ADCY7: variants seen among roughly 807,000 people sequenced by gnomAD.
ADCY7 encodes adenylate cyclase type 7.
ADCY7 carries 72 observed loss-of-function variants against 120.6 expected under a neutral mutation model. That is an observed-to-expected ratio of 0.60 (90% CI 0.49 to 0.73). The LOEUF (loss-of-function observed/expected upper bound fraction) is 0.73, where lower values mean the gene tolerates loss of function less well. ADCY7 is among the 30% of genes least tolerant of loss of function. ADCY7 has a pLI of 0.00. For synonymous variants in ADCY7, 661 were observed against 628.0 expected (o/e 1.05, Z -0.78); for missense variants, 1,227 against 1,486.0 (o/e 0.83, Z 2.87).
At chr16:50,258,842 T>A (rs185241756) in intron 1 of ADCY7, among the ~76,000 whole-genome samples, 2 of 152,220 alleles carry the variant, frequency 1.3e-5, no homozygotes, top group Non-Finnish European at 1.5e-5. Context: ...CTGATCTCCC[T>A]GTCTTGGTCT....
intron 1 of ADCY7, among the ~76,000 whole-genome samples, chr16:50,255,682 G>T (rs1336349339): frequency 6.6e-6 from 1 of 152,082 alleles, no homozygotes; most frequent in East Asian, 1.9e-4. Context: ...TGTAGAGATG[G>T]GGTTTCAACA....
chr16:50,314,819 A>G, intron 24 of ADCY7, 195 bp from the exon 25 acceptor site: 1 of 630,162 alleles, frequency 1.6e-6, no homozygotes, highest in Admixed American at 2.6e-5. Context: ...AGTCTGAAAA[A>G]GAGCTGGCCG....
intron 19 of ADCY7, 132 bp downstream of exon 19, chr16:50,311,012 C>T (rs2036423260): frequency 3.2e-6 from 3 of 947,784 alleles, no homozygotes; most frequent in African/African-American, 1.7e-5. Flanking sequence ...AGATGGTGTC[C>T]AGCGCTCAGA....
At chr16:50,296,306 G>A (rs1332346412) in intron 7 of ADCY7, among the ~76,000 whole-genome samples, 3 of 151,266 alleles carry the variant, frequency 2.0e-5, no homozygotes, top group Non-Finnish European at 2.9e-5. Flanking sequence ...ACCCACCTCA[G>A]CCTCCCAAAG....
intron 1 of ADCY7, among the ~76,000 whole-genome samples, chr16:50,255,402 GAAAAAA>G (rs60335173): frequency 9.2e-6 from 1 of 108,142 alleles, no homozygotes; most frequent in African/African-American, 3.7e-5. Context: ...TCTGTTTCTG[GAAAAAA>G]AAAAAAAAAA....
At chr16:50,314,529 CA>C in intron 24 of ADCY7, 123 bp downstream of exon 24, 1 of 679,284 alleles carries the variant, frequency 1.5e-6, no homozygotes, top group Non-Finnish European at 2.5e-6. Flanking sequence ...TCTGATCTGA[CA>C]AGCTCAGCAG....
At chr16:50,289,864 C>T (rs1466835007) in intron 2 of ADCY7, among the ~76,000 whole-genome samples, 1 of 152,270 alleles carries the variant, frequency 6.6e-6, no homozygotes, top group East Asian at 1.9e-4. Flanking sequence ...CAGGACCTAG[C>T]AGCTGCCAGT....
rs2035036890 is a variant in ADCY7 at position 50,292,290 on chromosome 16, A to G, written c.538-386A>G. ...TGTTGAATGAGTGAATCTTCTGTTC[A>G]TAATTATTGGGTGTTTAGAGAAGTG... On this transcript the variant is annotated intron_variant, in intron 4 of 25. Transcript: ENST00000673801. 2.0e-5 allele frequency among the ~76,000 whole-genome samples: 3 copies of G among 152,340 alleles called. No individual in the cohort carries two copies. The South Asian group carries it at 6.2e-4, about 32-fold the overall frequency.
intron 6 of ADCY7, 30 bp downstream of exon 6, chr16:50,293,532 C>A (rs1303712838): frequency 8.7e-6 from 14 of 1,609,282 alleles, no homozygotes; most frequent in Non-Finnish European, 1.2e-5. Flanking sequence ...ATTAGCATAT[C>A]CCGGGGACTG....
intron 1 of ADCY7, among the ~76,000 whole-genome samples, chr16:50,268,356 C>T (rs990008818): frequency 1.3e-5 from 2 of 152,084 alleles, no homozygotes; most frequent in African/African-American, 2.4e-5. Context: ...CCATCCACCT[C>T]GACCTCCCAA....
intron 1 of ADCY7, among the ~76,000 whole-genome samples, chr16:50,278,321 G>A (rs866326016): frequency 2.0e-5 from 3 of 152,298 alleles, no homozygotes; most frequent in Middle Eastern, 3.4e-3. Context: ...GATTACAGGC[G>A]TGAGCCACCA....
Position 50,313,994 on chromosome 16 carries a change from A to G in ADCY7, c.2788A>G (p.Ile930Val). The stretch of plus-strand genomic sequence containing the variant: ...GCCCAAGTTCAGCGGCGTGGAGAAG[A>G]TCAAGACCATCGGCAGCACGTACAT... ...LKPKFSGVEK[I>V]KTIGSTYMAA... Residue 930 changes from isoleucine (I) to valine (V), a missense_variant, in exon 23 of 26, where the codon ATC becomes GTC. By Grantham distance (29) the Ile-to-Val change is conservative. Around this residue, in one of 5 missense-constraint regions of ADCY7, gnomAD observed 244 missense variants for 332.8 expected, o/e 0.73. Transcript: ENST00000673801. 6.2e-7 allele frequency: 1 copy of G among 1,614,166 alleles called. No homozygotes were observed. Among genetic ancestry groups the G allele is most frequent in the Non-Finnish European group, 8.5e-7 (1 of 1,179,998 alleles).
intron 10 of ADCY7, among the ~76,000 whole-genome samples, chr16:50,301,471 C>A (rs2035718307): frequency 6.6e-6 from 1 of 152,246 alleles, no homozygotes; most frequent in Non-Finnish European, 1.5e-5. Context: ...GCGAGGCCTT[C>A]ACAGTGCGCC....
At chr16:50,304,246 T>G (rs911583190) in intron 10 of ADCY7, 114 bp from the exon 11 acceptor site, 2 of 1,088,218 alleles carry the variant, frequency 1.8e-6, no homozygotes, top group African/African-American at 3.3e-5. Context: ...TGTTTATTTT[T>G]TCACGGGCTC....
In ADCY7 at chr16:50,308,896, C is replaced by T. The variant is rs982018929; in HGVS notation, c.2061+104C>T. The T allele has an allele frequency of 5.7e-6, 8 of 1,403,818 alleles. No homozygotes were observed. The African/African-American group carries it at 7.2e-5, about 13-fold the overall frequency. 87.0% of individuals were successfully genotyped at this position (1,403,818 alleles called of 1,614,324 possible). ...AAAGCTGCCTCTGGTTGTCCTCTCC[C>T]CCGAGCTCAGCAGGTGGATGTGGGG... is the stretch of plus-strand genomic sequence containing the variant. On this transcript the variant is annotated intron_variant, in intron 17 of 25. Transcript: ENST00000673801.
At chr16:50,314,516 C>A in intron 24 of ADCY7, 110 bp downstream of exon 24, 1 of 753,770 alleles carries the variant, frequency 1.3e-6, no homozygotes, top group South Asian at 1.6e-5. Context: ...TTTTAGAAAT[C>A]CCTCTGATCT....
intron 17 of ADCY7, among the ~76,000 whole-genome samples, 157 bp from the exon 18 acceptor site, chr16:50,309,391 G>A (rs1403127395): frequency 1.3e-5 from 2 of 152,206 alleles, no homozygotes; most frequent in Non-Finnish European, 2.9e-5. Context: ...CTGCTGTGGG[G>A]AGTCGGCACG....
chr16:50,252,458 C>A (rs772582212), intron 1 of ADCY7, among the ~76,000 whole-genome samples: 5 of 149,578 alleles, frequency 3.3e-5, no homozygotes, highest in Non-Finnish European at 5.9e-5. Flanking sequence ...GTTTGTGTGC[C>A]TGGGCAGGCA....
rs940310654 is a variant in ADCY7 at position 50,312,951 on chromosome 16, A to G, written c.2666A>G (p.Lys889Arg). ...CVMFASVPDF[K>R]VFYTECDVNK... is the part of the protein sequence containing the mutation. ...ATGTTTGCCTCCGTGCCGGACTTCA[A>G]AGTGTTCTACACAGAGTGCGATGTC... The change falls in exon 22 of 26, where the codon AAA becomes AGA. Residue 889 changes from lysine (K) to arginine (R), a missense_variant. Transcript: ENST00000673801. 7.4e-6 allele frequency: 12 copies of G among 1,614,196 alleles called. No homozygotes were observed. The highest frequency in any genetic ancestry group is 1.0e-5 in the Non-Finnish European group (12 of 1,180,014).
Sources: gnomAD v4.1 joint callset for allele counts (sites outside exome capture counted in the v4.1 genomes callset) on GRCh38, gnomAD v4.1.1 for gene constraint, gnomAD v4.1.1 regional missense constraint, MANE v1.5 for transcripts, NCBI Gene and HGNC (gene_info 2026-07-23, HGNC 2026-07-21) for gene names.